OLFM1: variants seen among roughly 807,000 people sequenced by gnomAD.
OLFM1 encodes noelin.
A neutral mutation model predicts 49.7 loss-of-function variants in OLFM1; 9 were observed. The observed-to-expected ratio is 0.18, with a 90% CI of 0.11 to 0.32. OLFM1 has a LOEUF of 0.32. Among genes scored for constraint, OLFM1 ranks in the 10% least tolerant of loss-of-function variants. The probability of loss-of-function intolerance (pLI) is 1.00; values close to 1 mark genes in which losing one functional copy is unlikely to be tolerated. For missense variants in OLFM1, 369 were observed against 661.8 expected (o/e 0.56, Z 4.85); for synonymous variants, 240 against 271.8 (o/e 0.88, Z 1.15).
At chr9:135,077,490 TC>T in intron 1 of OLFM1, 1 of 401,144 alleles carries the variant, frequency 2.5e-6, no homozygotes, top group Non-Finnish European at 4.3e-6. Flanking sequence ...AAAGTATTTG[TC>T]CATCCACACG....
chr9:135,079,346 G>C (rs1373356018), intron 1 of OLFM1, among the ~76,000 whole-genome samples: 1 of 152,256 alleles, frequency 6.6e-6, no homozygotes. Flanking sequence ...CAGAGGCTGG[G>C]TACGGTGGCT....
At position 135,117,720 on chromosome 9, in the gene OLFM1, G is replaced by A. The variant is rs1030311828; in HGVS notation, c.784-1784G>A. The stretch of plus-strand genomic sequence containing the variant: ...CAGTGAACAGATAGGTGCAGCTGCT[G>A]CCCCACAACCTGGTGTCATCCCAAG... On this transcript the variant is annotated intron_variant, in intron 5 of 5. Transcript: ENST00000371793. This position sits in a 1 kb window ranked among gnomAD's most constrained non-coding sequence, Gnocchi z 5.5. Among the ~76,000 whole-genome samples the A allele has an allele frequency of 3.3e-5, 5 of 152,222 alleles. No homozygotes were observed. Among genetic ancestry groups the A allele is most frequent in the African/African-American group, 1.2e-4 (5 of 41,454 alleles).
chr9:135,078,328 T>A (rs1011527882), intron 1 of OLFM1, among the ~76,000 whole-genome samples: 1 of 152,172 alleles, frequency 6.6e-6, no homozygotes, highest in South Asian at 2.1e-4. Flanking sequence ...TGTTTCTAAA[T>A]GAGCATACGT....
intron 2 of OLFM1, among the ~76,000 whole-genome samples, chr9:135,093,431 G>T (rs1830742591): frequency 6.6e-6 from 1 of 152,150 alleles, no homozygotes; most frequent in Admixed American, 6.5e-5. Context: ...GTGTAAAATG[G>T]GACTCAAAAT....
intron 1 of OLFM1, chr9:135,077,027 G>A (rs939990073): frequency 2.6e-6 from 4 of 1,549,828 alleles, no homozygotes; most frequent in Admixed American, 2.0e-5. Context: ...CTGCCCAGAC[G>A]ATCAGCCAGT....
At chr9:135,111,376 C>T (rs1034757853) in intron 5 of OLFM1, among the ~76,000 whole-genome samples, 2 of 152,168 alleles carry the variant, frequency 1.3e-5, no homozygotes, top group South Asian at 2.1e-4. Flanking sequence ...AGGGTGGCCT[C>T]GCTCGCCGTC....
rs1479786248 is a variant in OLFM1, at chr9:135,087,938, C to T, written c.-52C>T. 2.0e-5 allele frequency: 27 copies of T among 1,346,564 alleles called. No individual in the cohort carries two copies. The highest frequency in any genetic ancestry group is 4.6e-5 in the African/African-American group (3 of 65,330). The allele number at this position is 1,346,564 out of a possible 1,614,324, so 83.4% of individuals were successfully genotyped here. Reference sequence around the variant, plus strand: ...GCCCGCCGCCTGAAGGCCGCCTGGGCGCGGGAGCCGGTGCCAGCTCGGAGC... The same window carrying T: ...GCCCGCCGCCTGAAGGCCGCCTGGGTGCGGGAGCCGGTGCCAGCTCGGAGC... On this transcript the variant is annotated 5_prime_UTR_variant, in exon 1 of 6. Transcript: ENST00000371793.
Position 135,087,882 on chromosome 9 carries a change from G to A in OLFM1, c.-108G>A. The stretch of plus-strand genomic sequence containing the variant: ...CGGCGGCGGGCCGAGGGGGCGCGGG[G>A]ACACAGCCAGGCGCCCCTGCCCGCC... On this transcript the variant is annotated 5_prime_UTR_variant, in exon 1 of 6. Coordinates refer to ENST00000371793, the MANE Select transcript of OLFM1 (RefSeq NM_001282611.2). 1.9e-6 allele frequency: 2 copies of A among 1,033,116 alleles called. No individual in the cohort carries two copies. Among genetic ancestry groups the A allele is most frequent in the Non-Finnish European group, 1.2e-6 (1 of 860,762 alleles). The allele number at this position is 1,033,116 out of a possible 1,614,324, so 64.0% of individuals were successfully genotyped here.
In OLFM1 at chr9:135,119,576, A is replaced by G. The variant is rs1211592693; in HGVS notation, c.856A>G (p.Thr286Ala). The G allele has an allele frequency of 1.9e-6, 3 of 1,613,954 alleles. No homozygotes were observed. The highest frequency in any genetic ancestry group is 1.7e-5 in the Admixed American group (1 of 59,996). The change falls in exon 6 of 6, where the codon ACG becomes GCG. Residue 286 changes from threonine (T) to alanine (A), a missense_variant. Physicochemically the swap from Thr to Ala is moderately conservative, Grantham distance 58. This residue lies in a region of OLFM1 where 294 missense variants were observed against 567.5 expected (regional missense o/e 0.52). Transcript: ENST00000371793. The stretch of plus-strand genomic sequence containing the variant: ...CAAGTCCATGGTTGACTTCATGAAC[A>G]CGGACAATTTCACCTCCCACCGTCT... Reference protein sequence around the residue: ...EYKSMVDFMNTDNFTSHRLPH... With the variant: ...EYKSMVDFMNADNFTSHRLPH...
intron 5 of OLFM1, among the ~76,000 whole-genome samples, chr9:135,116,309 C>T (rs567820802): frequency 1.4e-4 from 22 of 152,250 alleles, no homozygotes; most frequent in Admixed American, 9.2e-4. Context: ...AACTGGCAAA[C>T]GCTCAGAGCG....
At chr9:135,095,457 G>T (rs1830775389) in intron 2 of OLFM1, among the ~76,000 whole-genome samples, 1 of 148,786 alleles carries the variant, frequency 6.7e-6, no homozygotes, top group African/African-American at 2.5e-5. Flanking sequence ...GTTTATGCTT[G>T]CCTAACTAAT....
chr9:135,087,292 G>C, upstream of OLFM1: 1 of 1,503,982 alleles, frequency 6.6e-7, no homozygotes, highest in Non-Finnish European at 8.8e-7. Flanking sequence ...CAGTAGGCAG[G>C]ACGGCGCCGT....
At chr9:135,104,740 T>C (rs942296829) in intron 4 of OLFM1, among the ~76,000 whole-genome samples, 5 of 152,154 alleles carry the variant, frequency 3.3e-5, no homozygotes, top group Non-Finnish European at 5.9e-5. Context: ...AGGGAGCTGC[T>C]GTCTCCCCCG....
chr9:135,119,492 C>T lies in OLFM1; in HGVS notation c.784-12C>T. On this transcript the variant is annotated splice_polypyrimidine_tract_variant and intron_variant, in intron 5 of 5. Transcript: ENST00000371793. Reference sequence around the variant, plus strand: ...TTGGAAGTGCTCACCACCGGGTCTGCTCTCTCCACAGGTGTGGTACATGGA... The same window carrying T: ...TTGGAAGTGCTCACCACCGGGTCTGTTCTCTCCACAGGTGTGGTACATGGA... 1.9e-6 allele frequency: 3 copies of T among 1,583,610 alleles called. No individual in the cohort carries two copies. The highest frequency in any genetic ancestry group is 2.6e-6 in the Non-Finnish European group (3 of 1,164,668).
rs567455410 is a variant in OLFM1 at position 135,106,732 on chromosome 9, T to C, written c.677-17T>C. 5.7e-5 allele frequency: 91 copies of C among 1,610,382 alleles called. No individual in the cohort carries two copies. The South Asian group carries it at 9.5e-4, about 17-fold the overall frequency. Reference sequence around the variant, plus strand: ...GGCCCCCGCCCTCCCTCTCCTGACCTGCGTGCTCTTTTCCAGCTTGCGGGA... The same window carrying C: ...GGCCCCCGCCCTCCCTCTCCTGACCCGCGTGCTCTTTTCCAGCTTGCGGGA... On this transcript the variant is annotated splice_polypyrimidine_tract_variant and intron_variant, in intron 4 of 5. Transcript: ENST00000371793.
chr9:135,095,977 G>T lies in OLFM1; in HGVS notation c.414G>T (p.Gln138His). The change falls in exon 3 of 6, where the codon CAG (glutamine) becomes CAT (histidine). Residue 138 changes from glutamine to histidine, a missense_variant. Physicochemically the swap from Gln to His is conservative, Grantham distance 24. Around this residue, in one of 3 missense-constraint regions of OLFM1, gnomAD observed 294 missense variants for 567.5 expected, o/e 0.52. Coordinates refer to ENST00000371793, the MANE Select transcript of OLFM1 (RefSeq NM_001282611.2). ...QMKGLESKFK[Q>H]VEESHKQHLA... is the part of the protein sequence containing the mutation. ...AAGGACTGGAGTCCAAGTTCAAACA[G>T]GTGGAGGAGAGTCATAAGCAACACC... The T allele has an allele frequency of 6.5e-7, 1 of 1,532,784 alleles. No individual in the cohort carries two copies. Among genetic ancestry groups the T allele is most frequent in the Non-Finnish European group, 8.8e-7 (1 of 1,132,342 alleles). The allele number at this position is 1,532,784 out of a possible 1,614,324, so 94.9% of individuals were successfully genotyped here. A position where few individuals can be genotyped will look rare whatever the true frequency, so the allele number is the denominator to read the frequency against.
chr9:135,108,116 G>C (rs186332184), intron 5 of OLFM1, among the ~76,000 whole-genome samples: 359 of 152,318 alleles, frequency 2.4e-3, no homozygotes, highest in Non-Finnish European at 4.2e-3. Context: ...AATTGGTGTT[G>C]GGTGTTTGTC....
At chr9:135,082,407 GT>G (rs11302735) in intron 1 of OLFM1, among the ~76,000 whole-genome samples, 89,784 of 151,784 alleles carry the variant, frequency 0.59, 26,803 homozygotes, top group Middle Eastern at 0.69. Context: ...CTCCTGAGTG[GT>G]GCTGAAAAGA....
chr9:135,114,100 C>T (rs1304849869), intron 5 of OLFM1, among the ~76,000 whole-genome samples: 1 of 149,762 alleles, frequency 6.7e-6, no homozygotes, highest in African/African-American at 2.5e-5. Flanking sequence ...CACCTTCATC[C>T]AGGACCAGCT....
Sources: gnomAD v4.1 joint callset for allele counts (sites outside exome capture counted in the v4.1 genomes callset) on GRCh38, gnomAD v4.1.1 for gene constraint, gnomAD v4.1.1 regional missense constraint, Gnocchi (gnomAD v3.1) non-coding constraint, MANE v1.5 for transcripts, NCBI Gene and HGNC (gene_info 2026-07-23, HGNC 2026-07-21) for gene names.